Variants in SMARCA4 observed in about 807,000 individuals in gnomAD.
SMARCA4 encodes the protein SWI/SNF-related matrix-associated actin-dependent regulator of chromatin subfamily A member 4.
A neutral mutation model predicts 193.9 loss-of-function variants in SMARCA4; 31 were observed. The observed-to-expected ratio is 0.16, with a 90% CI of 0.12 to 0.22. The LOEUF is 0.22. SMARCA4 is among the 10% of genes least tolerant of loss of function. The pLI is 1.00. For synonymous variants in SMARCA4, 942 were observed against 933.1 expected (o/e 1.01, Z -0.17); for missense variants, 1,148 against 2,296.0 (o/e 0.50, Z 10.22).
chr19:11,012,004 T>G (rs2088894539), intron 15 of SMARCA4: 1 of 147,294 alleles, frequency 6.8e-6, no homozygotes, highest in Non-Finnish European at 1.5e-5. Context: ...AGACCCCATC[T>G]CTATAAAACA....
intron 14 of SMARCA4, among the ~76,000 whole-genome samples, chr19:11,009,246 T>C (rs567617508): frequency 6.6e-6 from 1 of 151,808 alleles, no homozygotes; most frequent in Non-Finnish European, 1.5e-5. Flanking sequence ...GGTCTTGATC[T>C]CTTGACCTCA....
chr19:10,980,254 A>G (rs1173472269), intron 1 of SMARCA4, among the ~76,000 whole-genome samples: 1 of 152,098 alleles, frequency 6.6e-6, no homozygotes, highest in Admixed American at 6.6e-5. Flanking sequence ...TAGAGGCAGC[A>G]TTTTCAGGAG....
At chr19:10,993,651 T>A (rs1299629258) in intron 8 of SMARCA4, among the ~76,000 whole-genome samples, 1 of 152,018 alleles carries the variant, frequency 6.6e-6, no homozygotes, top group African/African-American at 2.4e-5. Context: ...GTGCTTAGTT[T>A]GTTTTTTTTT....
intron 16 of SMARCA4, among the ~76,000 whole-genome samples, chr19:11,016,713 C>T (rs1378003872): frequency 6.6e-6 from 1 of 152,166 alleles, no homozygotes; most frequent in African/African-American, 2.4e-5. Context: ...AGGCTACGCA[C>T]CAGTGGCTGG....
chr19:11,026,279 C>G (rs1385467357), intron 22 of SMARCA4, 21 bp from the exon 23 acceptor site: 1 of 1,610,920 alleles, frequency 6.2e-7, no homozygotes, highest in Non-Finnish European at 8.5e-7. Flanking sequence ...TGTCACTGAC[C>G]CCTCTCTCCT....
In SMARCA4 at chr19:10,986,520, A is replaced by G; in HGVS notation, c.687A>G (p.Gly229=). 6.5e-7 allele frequency: 1 copy of G among 1,543,708 alleles called. No homozygotes were observed. Among genetic ancestry groups the G allele is most frequent in the South Asian group, 1.2e-5 (1 of 84,004 alleles). The change falls in exon 4 of 35, where the codon GGA becomes GGG. Residue 229 remains glycine (G), a synonymous_variant. Transcript: ENST00000344626. The surrounding 1 kb of genome is among the most constrained non-coding windows in gnomAD (Gnocchi z 6.7). ...TLPPPSVSAT[G]PGPGPGPGPG... is the part of the protein sequence containing the mutation. Reference sequence around the variant, plus strand: ...CTCCACCCTCGGTGTCCGCAACAGGACCCGGCCCTGGCCCTGGCCCTGGCC... The same window carrying G: ...CTCCACCCTCGGTGTCCGCAACAGGGCCCGGCCCTGGCCCTGGCCCTGGCC...
rs2075622906 is a variant in SMARCA4, at chr19:11,041,661, C to T, written c.4424+101C>T. 1.0e-6 allele frequency: 1 copy of T among 992,474 alleles called. No individual in the cohort carries two copies. Among genetic ancestry groups the T allele is most frequent in the African/African-American group, 1.6e-5 (1 of 62,422 alleles). The allele number at this position is 992,474 out of a possible 1,614,324, so 61.5% of individuals were successfully genotyped here. A position where few individuals can be genotyped will look rare whatever the true frequency, so the allele number is the denominator to read the frequency against. The stretch of plus-strand genomic sequence containing the variant: ...TGCACACTCAGGCTTGGGCCGCTCA[C>T]TCTTTCACTCATCCACAAACACTGA... On this transcript the variant is annotated intron_variant, in intron 30 of 34. Transcript: ENST00000344626. The surrounding 1 kb of genome is among the most constrained non-coding windows in gnomAD (Gnocchi z 5.6).
intron 1 of SMARCA4, among the ~76,000 whole-genome samples, chr19:10,980,151 A>G (rs1264332493): frequency 6.6e-6 from 1 of 151,962 alleles, no homozygotes; most frequent in Non-Finnish European, 1.5e-5. Context: ...GATCCCCTTT[A>G]CTGTCACTCT....
chr19:10,986,382 G>T lies in SMARCA4; in HGVS notation c.549G>T (p.Gln183His), dbSNP rs1402231056. The change falls in exon 4 of 35, where the codon CAG becomes CAT. Residue 183 changes from glutamine (Q) to histidine (H), a missense_variant. This residue lies in a region of SMARCA4 where 4 missense variants were observed against 22.8 expected (regional missense o/e 0.18). Coordinates refer to ENST00000344626, the MANE Select transcript of SMARCA4 (RefSeq NM_003072.5). This position sits in a 1 kb window ranked among gnomAD's most constrained non-coding sequence, Gnocchi z 6.7. ...ACCAGCTGCACCAGCTCAGAGCTCA[G>T]ATCATGGCCTACAAGATGCTGGCCA... The part of the protein sequence containing the change: ...NQNQLHQLRA[Q>H]IMAYKMLARG... The T allele has an allele frequency of 6.2e-7, 1 of 1,605,210 alleles. No homozygotes were observed. Among genetic ancestry groups the T allele is most frequent in the Non-Finnish European group, 8.5e-7 (1 of 1,176,264 alleles).
chr19:10,974,746 G>A (rs1335473690), intron 1 of SMARCA4, among the ~76,000 whole-genome samples: 2 of 99,660 alleles, frequency 2.0e-5, no homozygotes, highest in African/African-American at 8.3e-5. Context: ...TTGCTCTATT[G>A]CCTGGGCTAG....
chr19:11,014,097 TCAG>T, intron 16 of SMARCA4, among the ~76,000 whole-genome samples: 1 of 152,078 alleles, frequency 6.6e-6, no homozygotes, highest in Non-Finnish European at 1.5e-5. Flanking sequence ...TGGGCAAACT[TCAG>T]CATAGCATTT....
chr19:11,024,113 C>T (rs553239299), intron 20 of SMARCA4, among the ~76,000 whole-genome samples: 2 of 152,190 alleles, frequency 1.3e-5, no homozygotes, highest in Non-Finnish European at 2.9e-5. Context: ...GGGGCCCTTT[C>T]TGGCCCAGTA....
At chr19:10,996,035 G>C in intron 9 of SMARCA4, 178 bp from the exon 10 acceptor site, 1 of 731,220 alleles carries the variant, frequency 1.4e-6, no homozygotes, top group South Asian at 1.4e-5. Flanking sequence ...CCTAGCCCTT[G>C]GTGGGTTTTG....
intron 1 of SMARCA4, among the ~76,000 whole-genome samples, chr19:10,965,672 T>C (rs2084156571): frequency 6.6e-6 from 1 of 152,208 alleles, no homozygotes; most frequent in Non-Finnish European, 1.5e-5. Context: ...TGGTATAGCC[T>C]ATTGTTCCCA....
chr19:10,992,417 A>G (rs2145900385), intron 8 of SMARCA4, among the ~76,000 whole-genome samples: 1 of 148,590 alleles, frequency 6.7e-6, no homozygotes, highest in African/African-American at 2.5e-5. Flanking sequence ...GTGCCTGGCC[A>G]ACATTTTTTT....
rs2085907721 is a variant in SMARCA4 at position 10,985,173 on chromosome 19, C to G, written c.223-100C>G. ...GGAGATGCGCGTCATCTTCGGGTGG[C>G]TGTTCTCGGTGCCCTCGAGCTTCTC... On this transcript the variant is annotated intron_variant, in intron 2 of 34. Coordinates refer to ENST00000344626, the MANE Select transcript of SMARCA4 (RefSeq NM_003072.5). The surrounding 1 kb of genome is among the most constrained non-coding windows in gnomAD (Gnocchi z 4.5). 11 of 1,271,328 alleles carry G rather than the reference C, an allele frequency of 8.7e-6. No individual in the cohort carries two copies. Among genetic ancestry groups the G allele is most frequent in the African/African-American group, 4.4e-5 (3 of 67,958 alleles). The allele number at this position is 1,271,328 out of a possible 1,614,324, so 78.8% of individuals were successfully genotyped here.
At chr19:11,021,514 C>A in intron 18 of SMARCA4, 1 of 700,600 alleles carries the variant, frequency 1.4e-6, no homozygotes, top group African/African-American at 1.7e-5. Context: ...GGTCACGGGC[C>A]TGTCTCTGCC....
At position 11,019,522 on chromosome 19, in the gene SMARCA4, C is replaced by G; in HGVS notation, c.2506-69C>G. Reference sequence around the variant, plus strand: ...TGTCACTGGGCAGTTGCAGGGGGTGCCTGTGCCCCTCTTGCCACCTGGCCA... The same window carrying G: ...TGTCACTGGGCAGTTGCAGGGGGTGGCTGTGCCCCTCTTGCCACCTGGCCA... On this transcript the variant is annotated intron_variant, in intron 17 of 34. Transcript: ENST00000344626. This position sits in a 1 kb window ranked among gnomAD's most constrained non-coding sequence, Gnocchi z 6.1. 3.2e-6 allele frequency: 3 copies of G among 930,842 alleles called. No individual in the cohort carries two copies. In the South Asian group the frequency reaches 4.1e-5, roughly 13 times the overall value. The allele number at this position is 930,842 out of a possible 1,614,324, so 57.7% of individuals were successfully genotyped here.
intron 14 of SMARCA4, among the ~76,000 whole-genome samples, chr19:11,008,474 G>A (rs2088463743): frequency 6.6e-6 from 1 of 152,200 alleles, no homozygotes; most frequent in African/African-American, 2.4e-5. Flanking sequence ...CCTCTTGGAG[G>A]TCATCCTGTG....
Sources: gnomAD v4.1 joint callset for allele counts (sites outside exome capture counted in the v4.1 genomes callset) on GRCh38, gnomAD v4.1.1 for gene constraint, gnomAD v4.1.1 regional missense constraint, Gnocchi (gnomAD v3.1) non-coding constraint, MANE v1.5 for transcripts, NCBI Gene and HGNC (gene_info 2026-07-23, HGNC 2026-07-21) for gene names.